The following ART3 variants were observed in gnomAD, a reference collection of about 807,000 sequenced individuals.
The protein encoded by ART3 is ADP-ribosyltransferase 3 (inactive).
Under a neutral mutation model 48.5 loss-of-function variants are expected in ART3, and 49 were observed. That is an observed-to-expected ratio of 1.01 (90% CI 0.80 to 1.28). The LOEUF (loss-of-function observed/expected upper bound fraction) is 1.28. ART3 is among the 50% of genes most tolerant of loss of function. ART3 has a pLI of 0.00. For synonymous variants in ART3, 145 were observed against 157.2 expected (o/e 0.92, Z 0.58); for missense variants, 438 against 454.3 (o/e 0.96, Z 0.33).
chr4:76,091,771 T>C (rs890038612), intron 3 of ART3, among the ~76,000 whole-genome samples: 2 of 151,456 alleles, frequency 1.3e-5, no homozygotes, highest in Non-Finnish European at 2.9e-5. Context: ...AACCTCTGCT[T>C]CCTGGGTTCA....
chr4:76,082,152 T>C lies in ART3; in HGVS notation c.398T>C (p.Phe133Ser). 1 of 1,614,220 alleles carries C rather than the reference T, an allele frequency of 6.2e-7. No individual in the cohort carries two copies. Among genetic ancestry groups the C allele is most frequent in the Non-Finnish European group, 8.5e-7 (1 of 1,180,038 alleles). The stretch of plus-strand genomic sequence containing the variant: ...TCTCGAGAAGATTATATCTATGGCT[T>C]CCAGTTCAAAGCTTTCCACTTTTAC... ...GQSREDYIYG[F>S]QFKAFHFYLT... The change falls in exon 3 of 12, where the codon TTC becomes TCC. Residue 133 changes from phenylalanine to serine, a missense_variant. This residue lies in a region of ART3 where 206 missense variants were observed against 205.3 expected (regional missense o/e 1.00). Transcript: ENST00000355810.
chr4:76,092,615 AT>A (rs1254675148), intron 3 of ART3, among the ~76,000 whole-genome samples: 1 of 148,978 alleles, frequency 6.7e-6, no homozygotes, highest in Non-Finnish European at 1.5e-5. Context: ...ACTTAGTGTC[AT>A]TTTTTTTTCA....
At chr4:76,073,228 T>G (rs1472566267), upstream of ART3, among the ~76,000 whole-genome samples, 1 of 152,172 alleles carries the variant, frequency 6.6e-6, no homozygotes, top group South Asian at 2.1e-4. Context: ...AGAAATTTGG[T>G]TAAAAACTGG....
intron 1 of ART3, among the ~76,000 whole-genome samples, chr4:76,067,951 C>G (rs1719904556): frequency 6.6e-6 from 1 of 152,154 alleles, no homozygotes; most frequent in Non-Finnish European, 1.5e-5. Flanking sequence ...CATCCAGTCT[C>G]TAAAATATAA....
At chr4:76,077,839 T>C (rs1015771470) in intron 2 of ART3, among the ~76,000 whole-genome samples, 3 of 152,246 alleles carry the variant, frequency 2.0e-5, no homozygotes, top group African/African-American at 7.2e-5. Flanking sequence ...GATTCTAATA[T>C]CTCTGCATCC....
At chr4:76,054,053 G>A (rs13128319) in intron 1 of ART3, among the ~76,000 whole-genome samples, 89,157 of 152,106 alleles carry the variant, frequency 0.59, 26,991 homozygotes, top group East Asian at 0.94. Context: ...CTTTACAAGC[G>A]ACTAACTGAA....
chr4:76,097,299 G>A (rs139515608), intron 3 of ART3, among the ~76,000 whole-genome samples: 1,545 of 152,108 alleles, frequency 0.01, 20 homozygotes, highest in East Asian at 0.023. Flanking sequence ...CAACCTCCTG[G>A]GCTCAAGCGA....
intron 1 of ART3, among the ~76,000 whole-genome samples, chr4:76,040,740 C>T (rs1734904073): frequency 1.3e-5 from 2 of 152,138 alleles, no homozygotes; most frequent in South Asian, 4.2e-4. Flanking sequence ...AGCTAAATCA[C>T]AGTTTGAAAA....
chr4:76,028,154 C>T (rs1289054667), intron 1 of ART3, among the ~76,000 whole-genome samples: 1 of 142,044 alleles, frequency 7.0e-6, no homozygotes. Flanking sequence ...CAAATGTGAT[C>T]AACATGGAAA....
chr4:76,022,619 AT>A (rs200491459), intron 1 of ART3: 2 of 1,471,458 alleles, frequency 1.4e-6, no homozygotes, highest in Non-Finnish European at 1.9e-6. Context: ...ATCTTTTTTT[AT>A]TATCATTACA....
chr4:76,036,490 A>G (rs1734423150), intron 1 of ART3, among the ~76,000 whole-genome samples: 1 of 152,100 alleles, frequency 6.6e-6, no homozygotes, highest in Non-Finnish European at 1.5e-5. Flanking sequence ...CCAAACTCTT[A>G]TAATAGATAA....
At position 76,034,518 on chromosome 4, in the gene ART3, C is replaced by T. The variant is rs979958665; in HGVS notation, c.-10+23198C>T. 5 of 521,144 alleles carry T rather than the reference C, an allele frequency of 9.6e-6. No individual in the cohort carries two copies. In the African/African-American group the frequency reaches 1.0e-4, roughly 11 times the overall value. 32.3% of individuals were successfully genotyped at this position (521,144 alleles called of 1,614,324 possible). Reference sequence around the variant, plus strand: ...TAAACTCCGATGGTAACCAGCCTTTCTTAAGGTAGCTTTTCCTAGAAATCC... The same window carrying T: ...TAAACTCCGATGGTAACCAGCCTTTTTTAAGGTAGCTTTTCCTAGAAATCC... On this transcript the variant is annotated intron_variant, in intron 1 of 9. Transcript: ENST00000341029.
chr4:76,059,484 TA>T (rs1040013817), intron 1 of ART3, among the ~76,000 whole-genome samples: 3 of 152,096 alleles, frequency 2.0e-5, no homozygotes, highest in African/African-American at 7.2e-5. Context: ...AATTTATTTT[TA>T]AAAGTTTATT....
chr4:76,032,576 C>T (rs1426369611), intron 1 of ART3, among the ~76,000 whole-genome samples: 1 of 133,370 alleles, frequency 7.5e-6, no homozygotes, highest in African/African-American at 2.9e-5. Flanking sequence ...AGATTAGATT[C>T]AAGTCTTTTT....
At chr4:76,057,976 T>C (rs1382834054) in intron 1 of ART3, 2 of 152,212 alleles carry the variant, frequency 1.3e-5, no homozygotes, top group Non-Finnish European at 2.9e-5. Context: ...GACCATGTTT[T>C]AGTCTCTCTT....
At chr4:76,011,264 G>C (rs1485833856) in exon 1 of ART3, 1 of 152,596 alleles carries the variant, frequency 6.6e-6, no homozygotes, top group African/African-American at 2.4e-5. Flanking sequence ...CGCTGGGTAC[G>C]TTTGCTGCCA....
Position 76,083,640 on chromosome 4 carries a change from A to G in ART3, c.781+1105A>G, listed in dbSNP as rs569739106. On this transcript the variant is annotated intron_variant, in intron 3 of 11. Transcript: ENST00000355810. The stretch of plus-strand genomic sequence containing the variant: ...GTGACTGTTGCAGCTCTAGGCATCA[A>G]TCCATGTCCAAGACAAAAAGAAAGT... Among the ~76,000 whole-genome samples the G allele has an allele frequency of 1.6e-4, 25 of 152,302 alleles. No individual in the cohort carries two copies. The South Asian group carries it at 2.1e-3, about 13-fold the overall frequency.
intron 3 of ART3, among the ~76,000 whole-genome samples, chr4:76,090,545 T>C (rs931846157): frequency 6.6e-6 from 1 of 152,188 alleles, no homozygotes; most frequent in Non-Finnish European, 1.5e-5. Flanking sequence ...AGGGCTTTAT[T>C]TACTCTTGTC....
rs764622850 is a variant in ART3, at chr4:76,082,092, A to G, written c.338A>G (p.His113Arg). ...SEAQEQTPFY[H>R]LFSEAVKMAG... ...GCTCAAGAGCAAACTCCCTTTTACCATCTGTTCAGTGAAGCTGTGAAGATG... is the reference window on the plus strand; with the variant it reads ...GCTCAAGAGCAAACTCCCTTTTACCGTCTGTTCAGTGAAGCTGTGAAGATG... The change falls in exon 3 of 12, where the codon CAT becomes CGT. Residue 113 changes from histidine to arginine, a missense_variant. Around this residue, in one of 3 missense-constraint regions of ART3, gnomAD observed 206 missense variants for 205.3 expected, o/e 1.00. Transcript: ENST00000355810. The G allele has an allele frequency of 4.3e-6, 7 of 1,614,086 alleles. No individual in the cohort carries two copies. The South Asian group carries it at 4.4e-5, about 10-fold the overall frequency.
Sources: allele counts gnomAD v4.1 joint callset (sites outside exome capture counted in the v4.1 genomes callset), GRCh38; gene constraint gnomAD v4.1.1; regional missense constraint gnomAD v4.1.1; transcripts MANE v1.5; gene names NCBI Gene and HGNC (gene_info 2026-07-23, HGNC 2026-07-21).